FYB1: variants seen among roughly 807,000 people sequenced by gnomAD.
FYB1 encodes the protein FYN binding protein 1.
In FYB1, 41 loss-of-function variants were observed where a neutral mutation model predicts 94.1. That is an observed-to-expected ratio of 0.44 (90% CI 0.34 to 0.57). The LOEUF is 0.57. Ranked by LOEUF, FYB1 falls within the 20% of genes least tolerant of loss-of-function variation. FYB1 has a pLI of 0.02. For synonymous variants in FYB1, 367 were observed against 353.2 expected (o/e 1.04, Z -0.44); for missense variants, 1,050 against 976.8 (o/e 1.07, Z -1.00).
chr5:39,232,313 T>G (rs1433335424), intron 1 of FYB1, among the ~76,000 whole-genome samples: 2 of 152,038 alleles, frequency 1.3e-5, no homozygotes, highest in African/African-American at 4.8e-5. Flanking sequence ...ATAAGTCACA[T>G]GAAACTAAAG....
intron 1 of FYB1, among the ~76,000 whole-genome samples, chr5:39,205,019 G>C (rs904697764): frequency 6.6e-6 from 1 of 152,140 alleles, no homozygotes; most frequent in Non-Finnish European, 1.5e-5. Context: ...GCTTGGGGGA[G>C]GGAATAGGAG....
chr5:39,266,438 TA>T (rs1334875823), intron 1 of FYB1, among the ~76,000 whole-genome samples: 5 of 152,334 alleles, frequency 3.3e-5, no homozygotes, highest in African/African-American at 9.6e-5. Context: ...CCCATCAATC[TA>T]AATATCTAAT....
chr5:39,272,357 T>C (rs188077700), intron 1 of FYB1, among the ~76,000 whole-genome samples: 350 of 152,242 alleles, frequency 2.3e-3, no homozygotes, highest in Non-Finnish European at 3.8e-3. Context: ...GTTTACCCCA[T>C]GTACTACATA....
chr5:39,272,567 G>A (rs1482072990), intron 1 of FYB1, among the ~76,000 whole-genome samples: 2 of 150,990 alleles, frequency 1.3e-5, no homozygotes, highest in Non-Finnish European at 1.5e-5. Flanking sequence ...AGCTAGTCGG[G>A]AGGCTGAGGC....
chr5:39,141,844 C>T (rs1191989218), intron 3 of FYB1, among the ~76,000 whole-genome samples: 1 of 151,308 alleles, frequency 6.6e-6, no homozygotes, highest in Non-Finnish European at 1.5e-5. Context: ...TGCACTCCAG[C>T]CTGTGCAATA....
At chr5:39,195,897 G>GT (rs200369465) in intron 2 of FYB1, among the ~76,000 whole-genome samples, 1,673 of 151,998 alleles carry the variant, frequency 0.011, 31 homozygotes, top group African/African-American at 0.038. Flanking sequence ...GATATTTTGG[G>GT]TTTTTTTAAA....
chr5:39,230,656 T>C (rs1412749053), intron 1 of FYB1, among the ~76,000 whole-genome samples: 2 of 152,108 alleles, frequency 1.3e-5, no homozygotes, highest in African/African-American at 2.4e-5. Flanking sequence ...GTCACTTTTT[T>C]AAAAAGTCCT....
chr5:39,191,134 T>A (rs1747321502), intron 2 of FYB1, among the ~76,000 whole-genome samples: 1 of 152,258 alleles, frequency 6.6e-6, no homozygotes, highest in South Asian at 2.1e-4. Flanking sequence ...GAGAGATTTA[T>A]CTGCTTTGCC....
intron 7 of FYB1, among the ~76,000 whole-genome samples, chr5:39,135,494 A>G (rs1741604863): frequency 6.6e-6 from 1 of 152,262 alleles, no homozygotes; most frequent in Non-Finnish European, 1.5e-5. Context: ...AATAATAGCA[A>G]GCAAATGTTA....
At chr5:39,228,567 GA>G (rs1376509311) in intron 1 of FYB1, among the ~76,000 whole-genome samples, 1 of 152,150 alleles carries the variant, frequency 6.6e-6, no homozygotes. Context: ...GAAGGAAGTG[GA>G]AGTAGAATCA....
At chr5:39,243,251 T>G (rs1455052059) in intron 1 of FYB1, among the ~76,000 whole-genome samples, 1 of 152,120 alleles carries the variant, frequency 6.6e-6, no homozygotes, top group Non-Finnish European at 1.5e-5. Flanking sequence ...TTAGGTTTTC[T>G]TCTAGGGTTT....
chr5:39,198,025 TATC>T (rs1162172601), intron 2 of FYB1, among the ~76,000 whole-genome samples: 1 of 152,182 alleles, frequency 6.6e-6, no homozygotes, highest in Non-Finnish European at 1.5e-5. Flanking sequence ...ATGATCAGAA[TATC>T]ATGGGGCTGG....
chr5:39,169,432 C>G (rs1212074046), intron 2 of FYB1: 1 of 740,390 alleles, frequency 1.4e-6, no homozygotes, highest in African/African-American at 1.7e-5. Context: ...TTAAAAAGAA[C>G]AGGAACATTT....
At chr5:39,144,671 G>A (rs532316468) in intron 3 of FYB1, among the ~76,000 whole-genome samples, 14 of 152,136 alleles carry the variant, frequency 9.2e-5, no homozygotes, top group East Asian at 3.9e-4. Context: ...GTGTGGTGGC[G>A]GGCGTCTGTA....
chr5:39,182,903 G>A (rs1397082833), intron 2 of FYB1, among the ~76,000 whole-genome samples: 1 of 152,200 alleles, frequency 6.6e-6, no homozygotes, highest in African/African-American at 2.4e-5. Flanking sequence ...GTTGTTCAGA[G>A]CAGGGTTGTC....
chr5:39,217,733 C>T (rs1454358885), intron 1 of FYB1, among the ~76,000 whole-genome samples: 2 of 152,168 alleles, frequency 1.3e-5, no homozygotes, highest in East Asian at 3.8e-4. Context: ...GAACCACAGC[C>T]CAAACCCGCC....
intron 1 of FYB1, among the ~76,000 whole-genome samples, chr5:39,218,686 A>T (rs2150548350): frequency 6.6e-6 from 1 of 152,332 alleles, no homozygotes; most frequent in East Asian, 1.9e-4. Flanking sequence ...GCTCTCCCAA[A>T]GTCACACAGC....
chr5:39,244,534 T>C (rs867891742), intron 1 of FYB1, among the ~76,000 whole-genome samples: 2 of 152,290 alleles, frequency 1.3e-5, no homozygotes, highest in African/African-American at 2.4e-5. Context: ...CTGCTGGATT[T>C]GGTTTGCCAG....
At chr5:39,187,608 A>T (rs1309679998) in intron 2 of FYB1, among the ~76,000 whole-genome samples, 1 of 152,148 alleles carries the variant, frequency 6.6e-6, no homozygotes, top group Non-Finnish European at 1.5e-5. Context: ...CATCTCTGAG[A>T]CTTCCTGGTC....
Sources: allele counts gnomAD v4.1 joint callset (sites outside exome capture counted in the v4.1 genomes callset), GRCh38; gene constraint gnomAD v4.1.1; transcripts MANE v1.5; gene names NCBI Gene and HGNC (gene_info 2026-07-23, HGNC 2026-07-21).